BACH2: variants seen among roughly 807,000 people sequenced by gnomAD.
The protein encoded by BACH2 is transcription regulator protein BACH2.
Under a neutral mutation model 61.8 loss-of-function variants are expected in BACH2, and 5 were observed. The observed-to-expected ratio is 0.08, with a 90% CI of 0.04 to 0.17. The LOEUF is 0.17. Among genes scored for constraint, BACH2 ranks in the 10% least tolerant of loss-of-function variants. The pLI, the probability that BACH2 is intolerant of heterozygous loss-of-function variation, is 1.00. For missense variants in BACH2, 824 were observed against 1,091.1 expected, an observed-to-expected ratio of 0.76 and a Z score of 3.45; for synonymous variants, 446 against 440.1, an observed-to-expected ratio of 1.01 and a Z score of -0.17.
rs563810518 is a variant in BACH2 at position 90,188,080 on chromosome 6, C to T, written c.-162+18489G>A. Among the ~76,000 whole-genome samples the T allele has an allele frequency of 8.5e-5, 13 of 152,308 alleles. No individual in the cohort carries two copies. The South Asian group carries it at 2.1e-3, about 24-fold the overall frequency. On this transcript the variant is annotated intron_variant, in intron 4 of 8. Coordinates refer to ENST00000257749, the MANE Select transcript of BACH2 (RefSeq NM_021813.4). ...CTTAAAATGCACTGGTGACATATGG[C>T]TGCCAGTTGGGCTGTCATAATCAGG...
At chr6:90,068,591 G>C (rs1320007539) in intron 5 of BACH2, among the ~76,000 whole-genome samples, 1 of 151,830 alleles carries the variant, frequency 6.6e-6, no homozygotes, top group Non-Finnish European at 1.5e-5. Context: ...GTGGCTCCCA[G>C]AGAAACACCA....
intron 4 of BACH2, among the ~76,000 whole-genome samples, chr6:90,128,655 G>A (rs979140294): frequency 2.6e-5 from 4 of 152,184 alleles, no homozygotes; most frequent in African/African-American, 4.8e-5. Context: ...TCAGTGTGGT[G>A]ATTGCTCAGG....
chr6:90,120,899 A>C (rs1218641056), intron 4 of BACH2, among the ~76,000 whole-genome samples: 1 of 123,516 alleles, frequency 8.1e-6, no homozygotes, highest in African/African-American at 3.3e-5. Flanking sequence ...ATGTTGGCCC[A>C]TAAAATATGA....
chr6:90,242,672 C>T (rs1206839925), intron 3 of BACH2, among the ~76,000 whole-genome samples: 6 of 152,188 alleles, frequency 3.9e-5, no homozygotes, highest in African/African-American at 1.4e-4. Flanking sequence ...ACTTTCAAAG[C>T]AGTTGTACCA....
intron 5 of BACH2, among the ~76,000 whole-genome samples, chr6:90,052,748 C>A (rs1457820992): frequency 6.6e-6 from 1 of 152,194 alleles, no homozygotes; most frequent in Admixed American, 6.5e-5. Context: ...CTGATATCAA[C>A]AAAGCTACAT....
intron 5 of BACH2, among the ~76,000 whole-genome samples, chr6:90,037,385 G>C (rs1779312398): frequency 6.6e-6 from 1 of 152,224 alleles, no homozygotes. Flanking sequence ...ACAGCCCCGA[G>C]TTTTACACAA....
At chr6:90,166,070 A>C (rs531212875) in intron 4 of BACH2, among the ~76,000 whole-genome samples, 2 of 152,266 alleles carry the variant, frequency 1.3e-5, no homozygotes, top group African/African-American at 4.8e-5. Flanking sequence ...GGATCTAATT[A>C]AACTAAAGAG....
intron 2 of BACH2, among the ~76,000 whole-genome samples, chr6:90,264,939 C>T (rs1771276150): frequency 6.6e-6 from 1 of 152,192 alleles, no homozygotes; most frequent in Non-Finnish European, 1.5e-5. Flanking sequence ...ATAAGTGCTA[C>T]AAATATTCTT....
chr6:90,054,673 T>C (rs1397211328), intron 5 of BACH2, among the ~76,000 whole-genome samples: 1 of 152,176 alleles, frequency 6.6e-6, no homozygotes, highest in Non-Finnish European at 1.5e-5. Context: ...GCATACTGCC[T>C]CCTTAAGTGG....
intron 5 of BACH2, among the ~76,000 whole-genome samples, chr6:90,028,840 C>T (rs781014015): frequency 6.6e-6 from 1 of 152,222 alleles, no homozygotes; most frequent in South Asian, 2.1e-4. Flanking sequence ...GCACAAGACA[C>T]TTAACTTTTC....
At chr6:90,243,899 C>A (rs180834455) in intron 3 of BACH2, among the ~76,000 whole-genome samples, 2 of 152,106 alleles carry the variant, frequency 1.3e-5, no homozygotes, top group Non-Finnish European at 2.9e-5. Flanking sequence ...GAGCAATAAA[C>A]CTCAGTCATA....
rs1781505267 is a variant in BACH2 at position 90,077,105 on chromosome 6, A to G, written c.-13+11856T>C. On this transcript the variant is annotated intron_variant, in intron 5 of 8. Transcript: ENST00000257749. Reference sequence around the variant, plus strand: ...AGTACCCTCAAACTGCACATGAAGGATAAGTTAAAACTGGCAGTTTTGCAG... The same window carrying G: ...AGTACCCTCAAACTGCACATGAAGGGTAAGTTAAAACTGGCAGTTTTGCAG... 2.0e-5 allele frequency among the ~76,000 whole-genome samples: 3 copies of G among 152,182 alleles called. No individual in the cohort carries two copies. The South Asian group carries it at 6.2e-4, about 32-fold the overall frequency.
rs1294128020 is a variant in BACH2, at chr6:90,030,671, G to T, written c.-12-21815C>A. On this transcript the variant is annotated intron_variant, in intron 5 of 8. Transcript: ENST00000257749. Reference sequence around the variant, plus strand: ...TAAACCAGGAACAAGTTGAATCTCTGAATAGACCAATAACAGGTTCTGAAA... The same window carrying T: ...TAAACCAGGAACAAGTTGAATCTCTTAATAGACCAATAACAGGTTCTGAAA... Among the ~76,000 whole-genome samples, 3 of 152,140 alleles carry T rather than the reference G, an allele frequency of 2.0e-5. No homozygotes were observed. In the South Asian group the frequency reaches 6.2e-4, roughly 32 times the overall value.
chr6:90,057,156 AC>A (rs1259041168), intron 5 of BACH2, among the ~76,000 whole-genome samples: 122 of 152,274 alleles, frequency 8.0e-4, no homozygotes, highest in Non-Finnish European at 1.4e-3. Context: ...GACACAAAAA[AC>A]CCTTCAAAAA....
intron 1 of BACH2, among the ~76,000 whole-genome samples, chr6:90,287,642 G>A (rs150142113): frequency 8.3e-4 from 126 of 152,236 alleles, no homozygotes; most frequent in African/African-American, 2.6e-3. Flanking sequence ...TTTAAATACT[G>A]TAATCCATTT....
chr6:90,216,851 G>C (rs1415233205), intron 3 of BACH2, among the ~76,000 whole-genome samples: 1 of 152,032 alleles, frequency 6.6e-6, no homozygotes, highest in Non-Finnish European at 1.5e-5. Context: ...TAGTGGGTGA[G>C]ACCAATGATG....
intron 5 of BACH2, among the ~76,000 whole-genome samples, chr6:90,016,073 T>G (rs1488710444): frequency 1.3e-5 from 2 of 152,218 alleles, no homozygotes; most frequent in African/African-American, 4.8e-5. Context: ...CATATTAACA[T>G]GGTCACTCCA....
At chr6:90,025,015 T>A (rs1051438316) in intron 5 of BACH2, among the ~76,000 whole-genome samples, 3 of 152,150 alleles carry the variant, frequency 2.0e-5, no homozygotes, top group African/African-American at 7.2e-5. Context: ...CGATGTCAGA[T>A]GAGACTACCC....
chr6:90,103,045 TTTTTTTA>T (rs1208103347), intron 4 of BACH2, among the ~76,000 whole-genome samples: 4 of 126,454 alleles, frequency 3.2e-5, no homozygotes, highest in African/African-American at 1.4e-4. Context: ...TTTTTTTTTT[TTTTTTTA>T]CCAGACTATA....
Sources: gnomAD v4.1 joint callset for allele counts (sites outside exome capture counted in the v4.1 genomes callset) on GRCh38, gnomAD v4.1.1 for gene constraint, MANE v1.5 for transcripts, NCBI Gene and HGNC (gene_info 2026-07-23, HGNC 2026-07-21) for gene names.